ZNF431: variants seen among roughly 807,000 people sequenced by gnomAD.
ZNF431 encodes zinc finger protein 431.
A neutral mutation model predicts 57.0 loss-of-function variants in ZNF431; 34 were observed. That is an observed-to-expected ratio of 0.60 (90% CI 0.45 to 0.79). The LOEUF is 0.79. Among genes scored for constraint, ZNF431 ranks in the 30% least tolerant of loss-of-function variants. The pLI, the probability that ZNF431 is intolerant of heterozygous loss-of-function variation, is 0.00. For missense variants in ZNF431, 607 were observed against 667.1 expected (o/e 0.91, Z 0.99); for synonymous variants, 207 against 220.3 (o/e 0.94, Z 0.54).
rs113635752 is a variant in ZNF431 at position 21,185,609 on chromosome 19, A to G, written c.*1575A>G. On this transcript the variant is annotated 3_prime_UTR_variant, in exon 5 of 5. Transcript: ENST00000311048. ...CCAAGTAGCTGGGATAACAGGTGCCAGCCACCATGCCCAGCTAATTTGTGT... is the reference window on the plus strand; with the variant it reads ...CCAAGTAGCTGGGATAACAGGTGCCGGCCACCATGCCCAGCTAATTTGTGT... 0.19 allele frequency: 29,005 copies of G among 152,188 alleles called. 3,475 individuals are homozygous for G. Among genetic ancestry groups the G allele is most frequent in the African/African-American group, 0.34 (14,035 of 41,476 alleles). The allele number at this position is 152,188 out of a possible 1,614,324, so 9.4% of individuals were successfully genotyped here.
chr19:21,160,318 C>A (rs532863652), intron 2 of ZNF431, among the ~76,000 whole-genome samples: 11 of 152,216 alleles, frequency 7.2e-5, no homozygotes, highest in Non-Finnish European at 1.5e-4. Context: ...TAAGAGGCTC[C>A]AGGTGTAAAT....
chr19:21,152,364 G>T (rs1281864392), intron 2 of ZNF431, among the ~76,000 whole-genome samples: 2 of 152,178 alleles, frequency 1.3e-5, no homozygotes, highest in Non-Finnish European at 2.9e-5. Context: ...GTAGGAAAGA[G>T]ATTTTTTTCC....
In ZNF431 at chr19:21,163,309, G is replaced by A. The variant is rs956331126; in HGVS notation, c.97-3026G>A. On this transcript the variant is annotated intron_variant, in intron 2 of 4. Coordinates refer to ENST00000311048, the MANE Select transcript of ZNF431 (RefSeq NM_133473.4). The stretch of plus-strand genomic sequence containing the variant: ...ATACGAAACGTTTGGATGGAGATTG[G>A]TTGTCTCCATTTGTACCAGAAATAT... Among the ~76,000 whole-genome samples, 24 of 152,116 alleles carry A rather than the reference G, an allele frequency of 1.6e-4. 1 individual carries two copies. Among genetic ancestry groups the A allele is most frequent in the Non-Finnish European group, 1.9e-4 (13 of 67,992 alleles).
intron 2 of ZNF431, among the ~76,000 whole-genome samples, chr19:21,158,402 G>T (rs1970482194): frequency 6.6e-6 from 1 of 151,928 alleles, no homozygotes; most frequent in Admixed American, 6.6e-5. Flanking sequence ...GTTTCACCAT[G>T]TTGGTCAGGC....
rs1432064983 is a variant in ZNF431 at position 21,185,891 on chromosome 19, T to A, written c.*1857T>A. On this transcript the variant is annotated 3_prime_UTR_variant, in exon 5 of 5. Coordinates refer to ENST00000311048, the MANE Select transcript of ZNF431 (RefSeq NM_133473.4). ...TACACTTTAAAAAAAAATTTTTAAATGTACAATTAAATTTTTATTTACCAC... is the reference window on the plus strand; with the variant it reads ...TACACTTTAAAAAAAAATTTTTAAAAGTACAATTAAATTTTTATTTACCAC... 1 of 152,210 alleles carries A rather than the reference T, an allele frequency of 6.6e-6. No individual in the cohort carries two copies. Among genetic ancestry groups the A allele is most frequent in the African/African-American group, 2.4e-5 (1 of 41,460 alleles). 9.4% of individuals were successfully genotyped at this position (152,210 alleles called of 1,614,324 possible).
At chr19:21,170,405 T>A (rs1463521533) in intron 4 of ZNF431, among the ~76,000 whole-genome samples, 3 of 152,196 alleles carry the variant, frequency 2.0e-5, no homozygotes, top group Non-Finnish European at 4.4e-5. Flanking sequence ...TTACTCTTTC[T>A]ATACATTTTT....
chr19:21,183,200 G>T lies in ZNF431; in HGVS notation c.897G>T (p.Arg299=). ...RCEECGKAFN[R]SSHLTTHKII... is the part of the protein sequence containing the mutation. Reference sequence around the variant, plus strand: ...AAGAATGTGGCAAAGCCTTCAACCGGTCCTCACACCTTACTACACATAAGA... The same window carrying T: ...AAGAATGTGGCAAAGCCTTCAACCGTTCCTCACACCTTACTACACATAAGA... Residue 299 remains arginine, a synonymous_variant, in exon 5 of 5, where the codon CGG becomes CGT. Transcript: ENST00000311048. 2.5e-6 allele frequency: 4 copies of T among 1,613,766 alleles called. No individual in the cohort carries two copies. Among genetic ancestry groups the T allele is most frequent in the Non-Finnish European group, 3.4e-6 (4 of 1,179,886 alleles).
At chr19:21,165,825 G>A (rs778380636) in intron 2 of ZNF431, among the ~76,000 whole-genome samples, 2 of 151,792 alleles carry the variant, frequency 1.3e-5, no homozygotes, top group Non-Finnish European at 2.9e-5. Context: ...CCTAATGTTT[G>A]ACAAAATAGT....
At chr19:21,164,284 C>T (rs1173868116) in intron 2 of ZNF431, among the ~76,000 whole-genome samples, 3 of 151,872 alleles carry the variant, frequency 2.0e-5, no homozygotes, top group Admixed American at 6.6e-5. Context: ...TCACAGGGCC[C>T]GTTCAGTTTG....
chr19:21,155,645 T>A (rs1039924224), intron 2 of ZNF431, among the ~76,000 whole-genome samples: 2 of 152,162 alleles, frequency 1.3e-5, no homozygotes, highest in East Asian at 1.9e-4. Flanking sequence ...CTCAGAAGCA[T>A]AGATGAGCCT....
chr19:21,188,774 G>A lies in ZNF431; in HGVS notation c.*4740G>A, dbSNP rs1971439193. 6.6e-6 allele frequency: 1 copy of A among 152,116 alleles called. No individual in the cohort carries two copies. The highest frequency in any genetic ancestry group is 2.1e-4 in the South Asian group (1 of 4,826). The allele number at this position is 152,116 out of a possible 1,614,324, so 9.4% of individuals were successfully genotyped here. ...TTTCTGTTACTTTGCATGCAAACTA[G>A]TTTACTGTGTTCACAGAGTGGCCAG... is the stretch of plus-strand genomic sequence containing the variant. On this transcript the variant is annotated 3_prime_UTR_variant, in exon 5 of 5. Transcript: ENST00000311048.
At chr19:21,159,093 G>A (rs958784791) in intron 2 of ZNF431, among the ~76,000 whole-genome samples, 2 of 152,068 alleles carry the variant, frequency 1.3e-5, no homozygotes, top group African/African-American at 4.8e-5. Flanking sequence ...TTTGTCTTTA[G>A]TTCTGTTTAT....
rs1241102360 is a variant in ZNF431, at chr19:21,188,392, A to G, written c.*4358A>G. ...TGGCAAATATAAAACTTGCTTGAAA[A>G]TACAGAAATTAAATTTTTAAGAGAG... On this transcript the variant is annotated 3_prime_UTR_variant, in exon 5 of 5. Transcript: ENST00000311048. 6.6e-6 allele frequency: 1 copy of G among 152,222 alleles called. No individual in the cohort carries two copies. Among genetic ancestry groups the G allele is most frequent in the Non-Finnish European group, 1.5e-5 (1 of 68,046 alleles). 9.4% of individuals were successfully genotyped at this position (152,222 alleles called of 1,614,324 possible).
chr19:21,180,123 CTT>C (rs1358652914), intron 4 of ZNF431, among the ~76,000 whole-genome samples: 3 of 152,118 alleles, frequency 2.0e-5, no homozygotes, highest in East Asian at 1.9e-4. Flanking sequence ...TGTCATGACT[CTT>C]TATCCAGCTT....
In ZNF431 at chr19:21,172,686, C is replaced by T. The variant is rs553819184; in HGVS notation, c.319+5020C>T. ...CATAGTGTTATGCACCTGTGGACCCCGCTATATGGGAGATTTAGGGAGGAT... is the reference window on the plus strand; with the variant it reads ...CATAGTGTTATGCACCTGTGGACCCTGCTATATGGGAGATTTAGGGAGGAT... On this transcript the variant is annotated intron_variant, in intron 4 of 4. Transcript: ENST00000311048. Among the ~76,000 whole-genome samples the T allele has an allele frequency of 3.9e-5, 6 of 151,944 alleles. No individual in the cohort carries two copies. The South Asian group carries it at 8.3e-4, about 21-fold the overall frequency.
chr19:21,162,804 T>G, intron 2 of ZNF431: 1 of 970,198 alleles, frequency 1.0e-6, no homozygotes, highest in Non-Finnish European at 1.2e-6. Context: ...TTTTTAAGTT[T>G]TGTGTTAAAA....
chr19:21,182,651 T>A lies in ZNF431; in HGVS notation c.348T>A (p.Leu116=), dbSNP rs1280222601. ...TGTGTTCTTATTTTACCAAAGACCT[T>A]TGGCCAGAGCAAGACATAAAAGATT... ...PAMCSYFTKD[L]WPEQDIKDSF... is the part of the protein sequence containing the mutation. The change falls in exon 5 of 5, where the codon CTT becomes CTA. Residue 116 remains leucine (L), a synonymous_variant. Transcript: ENST00000311048. The A allele has an allele frequency of 2.5e-6, 4 of 1,606,508 alleles. No homozygotes were observed. In the Admixed American group the frequency reaches 5.2e-5, roughly 21 times the overall value.
chr19:21,190,057 T>C lies in ZNF431; in HGVS notation c.*6023T>C, dbSNP rs1971475246. ...GGTGGTGCAGGCCTGTAATCTCAGCTACTCCAGAGGCTGAGGCATGAGAAT... is the reference window on the plus strand; with the variant it reads ...GGTGGTGCAGGCCTGTAATCTCAGCCACTCCAGAGGCTGAGGCATGAGAAT... On this transcript the variant is annotated 3_prime_UTR_variant, in exon 5 of 5. Coordinates refer to ENST00000311048, the MANE Select transcript of ZNF431 (RefSeq NM_133473.4). 3 of 384,268 alleles carry C rather than the reference T, an allele frequency of 7.8e-6. No homozygotes were observed. The highest frequency in any genetic ancestry group is 1.4e-5 in the Non-Finnish European group (3 of 217,512). 23.8% of individuals were successfully genotyped at this position (384,268 alleles called of 1,614,324 possible). A position where few individuals can be genotyped will look rare whatever the true frequency, so the allele number is the denominator to read the frequency against.
chr19:21,159,434 G>A lies in ZNF431; in HGVS notation c.97-6901G>A, dbSNP rs142279814. ...TGTTGCCAGGCTGGAGTGCAGTGGC[G>A]CGATCTTGGCTTACCACAACCTCCA... On this transcript the variant is annotated intron_variant, in intron 2 of 4. Transcript: ENST00000311048. 5.8e-4 allele frequency among the ~76,000 whole-genome samples: 89 copies of A among 152,144 alleles called. 1 individual carries two copies. The East Asian group carries it at 0.01, about 18-fold the overall frequency.
Sources: gnomAD v4.1 joint callset for allele counts (sites outside exome capture counted in the v4.1 genomes callset) on GRCh38, gnomAD v4.1.1 for gene constraint, MANE v1.5 for transcripts, NCBI Gene and HGNC (gene_info 2026-07-23, HGNC 2026-07-21) for gene names.